ACTN3: variants seen among roughly 807,000 people sequenced by gnomAD.
The protein encoded by ACTN3 is alpha-actinin-3.
A neutral mutation model predicts 119.6 loss-of-function variants in ACTN3; 91 were observed. The observed-to-expected ratio is 0.76, with a 90% CI of 0.64 to 0.91. The LOEUF is 0.91. ACTN3 is among the 40% of genes least tolerant of loss of function. The probability of loss-of-function intolerance (pLI) is 0.00; values close to 1 mark genes in which losing one functional copy is unlikely to be tolerated. For missense variants in ACTN3, 1,221 were observed against 1,215.1 expected (o/e 1.00, Z -0.07); for synonymous variants, 456 against 478.8 (o/e 0.95, Z 0.62).
At chr11:66,551,115 G>C in intron 1 of ACTN3, 124 bp from the exon 2 acceptor site, 1 of 762,346 alleles carries the variant, frequency 1.3e-6, no homozygotes, top group Middle Eastern at 2.2e-4. Flanking sequence ...CAGTGGCTGA[G>C]CTGAGCTGAG....
At chr11:66,557,066 C>G in intron 8 of ACTN3, 67 bp from the exon 9 acceptor site, 1 of 1,459,356 alleles carries the variant, frequency 6.9e-7, no homozygotes, top group Admixed American at 2.0e-5. Flanking sequence ...CGGCGGGGCT[C>G]TGGGTTTTAA....
At chr11:66,563,011 G>A (rs776040034) in intron 20 of ACTN3, 24 bp from the exon 21 acceptor site, 2 of 1,607,906 alleles carry the variant, frequency 1.2e-6, no homozygotes, top group East Asian at 2.2e-5. Context: ...GGACCTGTGG[G>A]TCCTCAACGC....
At chr11:66,554,668 C>T (rs1436680727) in intron 5 of ACTN3, 45 bp downstream of exon 5, 9 of 1,530,234 alleles carry the variant, frequency 5.9e-6, no homozygotes, top group Non-Finnish European at 8.0e-6. Flanking sequence ...CTGTGGGGTA[C>T]TGGGCATAGA....
At position 66,559,361 on chromosome 11, in the gene ACTN3, A is replaced by T. The variant is rs374547195; in HGVS notation, c.1402A>T (p.Ile468Phe). Residue 468 changes from isoleucine (I) to phenylalanine (F), a missense_variant, in exon 12 of 21, where the codon ATT (isoleucine) becomes TTT (phenylalanine). Physicochemically the swap from Ile to Phe is conservative, Grantham distance 21. Around this residue, in one of 3 missense-constraint regions of ACTN3, gnomAD observed 934 missense variants for 899.9 expected, o/e 1.04. Transcript: ENST00000513398. ...GGCGCACCAGGACCGCGTGGAGCAC[A>T]TTGCCGCGCTGGCCCAGGAGCTCAA... ...LAAHQDRVEH[I>F]AALAQELNEL... 94 of 1,557,774 alleles carry T rather than the reference A, an allele frequency of 6.0e-5. No homozygotes were observed. The highest frequency in any genetic ancestry group is 7.9e-5 in the Non-Finnish European group (92 of 1,157,334).
chr11:66,554,136 G>A lies in ACTN3; in HGVS notation c.469+5G>A, dbSNP rs1857536799. 1.9e-6 allele frequency: 3 copies of A among 1,613,726 alleles called. No homozygotes were observed. The highest frequency in any genetic ancestry group is 1.3e-5 in the African/African-American group (1 of 74,998). ...TCCAGGACATCTCTGTGGAAGGTGA[G>A]CAATGGGAAAGGAGGTTGGGGCCAG... is the stretch of plus-strand genomic sequence containing the variant. On this transcript the variant is annotated splice_donor_5th_base_variant and intron_variant, in intron 4 of 20. Transcript: ENST00000513398.
chr11:66,547,155 C>T, intron 1 of ACTN3, 71 bp downstream of exon 1: 1 of 1,427,682 alleles, frequency 7.0e-7, no homozygotes, highest in Non-Finnish European at 9.2e-7. Flanking sequence ...CTGGGCATCT[C>T]AGCAGTGCAG....
intron 9 of ACTN3, 61 bp downstream of exon 9, chr11:66,557,286 C>A: frequency 6.7e-7 from 1 of 1,500,918 alleles, no homozygotes; most frequent in Non-Finnish European, 9.1e-7. Flanking sequence ...CCCAACCCTG[C>A]TAACCCCAAG....
At chr11:66,556,531 C>A (rs1385626801) in intron 8 of ACTN3, among the ~76,000 whole-genome samples, 1 of 152,038 alleles carries the variant, frequency 6.6e-6, no homozygotes, top group East Asian at 1.9e-4. Flanking sequence ...CTCATTGCTG[C>A]CTTGACCTCA....
chr11:66,560,142 TTC>T (rs1350800597), intron 13 of ACTN3, 27 bp from the exon 14 acceptor site: 1 of 1,573,266 alleles, frequency 6.4e-7, no homozygotes, highest in Admixed American at 1.9e-5. Flanking sequence ...CAGGGCAGGC[TTC>T]TGACCCACTA....
chr11:66,554,456 CAAAAAA>C, intron 4 of ACTN3, 74 bp from the exon 5 acceptor site: 3 of 851,220 alleles, frequency 3.5e-6, no homozygotes, highest in Non-Finnish European at 3.4e-6. Flanking sequence ...GACCCTGTCT[CAAAAAA>C]AAAAAAAAAA....
intron 1 of ACTN3, among the ~76,000 whole-genome samples, chr11:66,547,599 G>T (rs986340087): frequency 6.6e-6 from 1 of 152,070 alleles, no homozygotes; most frequent in Non-Finnish European, 1.5e-5. Context: ...CCCAGAAAGA[G>T]CACAGACAGG....
intron 14 of ACTN3, 110 bp from the exon 15 acceptor site, chr11:66,560,463 G>C: frequency 2.0e-6 from 3 of 1,475,262 alleles, no homozygotes; most frequent in Non-Finnish European, 2.7e-6. Flanking sequence ...CGGGGTTCTT[G>C]TGTCAGGACT....
chr11:66,562,722 C>T (rs1284266769), intron 19 of ACTN3, 74 bp from the exon 20 acceptor site: 2 of 1,502,722 alleles, frequency 1.3e-6, no homozygotes, highest in Admixed American at 2.1e-5. Flanking sequence ...GTTGGACAGT[C>T]CCCAGGAGGG....
rs767579893 is a variant in ACTN3, at chr11:66,563,048, C to A, written c.2561C>A (p.Pro854His). Residue 854 changes from proline (P) to histidine (H), a missense_variant, in exon 21 of 21, where the codon CCC (proline) becomes CAC (histidine). Around this residue, in one of 3 missense-constraint regions of ACTN3, gnomAD observed 934 missense variants for 899.9 expected, o/e 1.04. Coordinates refer to ENST00000513398, the MANE Select transcript of ACTN3 (RefSeq NM_001104.4). ...ILAGDKNYIT[P>H]EELRRELPAK... is the part of the protein sequence containing the mutation. ...TCTTCTCCCCAGAACTACATCACCCCCGAGGAGCTGCGGCGCGAGCTCCCT... is the reference window on the plus strand; with the variant it reads ...TCTTCTCCCCAGAACTACATCACCCACGAGGAGCTGCGGCGCGAGCTCCCT... 6.2e-7 allele frequency: 1 copy of A among 1,612,178 alleles called. No individual in the cohort carries two copies. The highest frequency in any genetic ancestry group is 8.5e-7 in the Non-Finnish European group (1 of 1,178,998).
In ACTN3 at chr11:66,562,835, C is replaced by A; in HGVS notation, c.2428C>A (p.Pro810Thr). The part of the protein sequence containing the change: ...EFARIMTMVD[P>T]NAAGVVTFQA... ...TGCTCGCATCATGACCATGGTGGAC[C>A]CCAACGCAGCTGGGGTGGTGACCTT... The change falls in exon 20 of 21, where the codon CCC (proline) becomes ACC (threonine). Residue 810 changes from proline to threonine, a missense_variant. Around this residue, in one of 3 missense-constraint regions of ACTN3, gnomAD observed 934 missense variants for 899.9 expected, o/e 1.04. Transcript: ENST00000513398. The A allele has an allele frequency of 6.2e-7, 1 of 1,613,536 alleles. No individual in the cohort carries two copies. The highest frequency in any genetic ancestry group is 8.5e-7 in the Non-Finnish European group (1 of 1,179,656).
Position 66,563,334 on chromosome 11 carries a change from A to G in ACTN3, c.*141A>G. ...AAGATCCCTCTCTGGGTCTCTCCCC[A>G]TCTCCTTTTAGTTCCTGAAGCAGAA... On this transcript the variant is annotated 3_prime_UTR_variant, in exon 21 of 21. Coordinates refer to ENST00000513398, the MANE Select transcript of ACTN3 (RefSeq NM_001104.4). The G allele has an allele frequency of 2.6e-5, 29 of 1,104,418 alleles. No individual in the cohort carries two copies. Among genetic ancestry groups the G allele is most frequent in the Non-Finnish European group, 3.4e-5 (28 of 813,998 alleles). The allele number at this position is 1,104,418 out of a possible 1,614,324, so 68.4% of individuals were successfully genotyped here. A position where few individuals can be genotyped will look rare whatever the true frequency, so the allele number is the denominator to read the frequency against.
chr11:66,560,654 G>A lies in ACTN3; in HGVS notation c.1759G>A (p.Gly587Ser). ...RERGAIMGIQ[G>S]EIQKICQTYG... ...GCGAGGTGCCATCATGGGCATCCAG[G>A]GTGAGATCCAGAAGATCTGCCAGAC... Residue 587 changes from glycine to serine, a missense_variant, in exon 15 of 21, where the codon GGT becomes AGT. Coordinates refer to ENST00000513398, the MANE Select transcript of ACTN3 (RefSeq NM_001104.4). 6.2e-7 allele frequency: 1 copy of A among 1,613,868 alleles called. No individual in the cohort carries two copies. Among genetic ancestry groups the A allele is most frequent in the Non-Finnish European group, 8.5e-7 (1 of 1,179,874 alleles).
intron 7 of ACTN3, 95 bp from the exon 8 acceptor site, chr11:66,556,050 A>G: frequency 8.7e-7 from 1 of 1,152,212 alleles, no homozygotes. Context: ...GGTGGCCATG[A>G]CTGGATGCTT....
chr11:66,547,642 C>A (rs1857386213), intron 1 of ACTN3, among the ~76,000 whole-genome samples: 1 of 152,124 alleles, frequency 6.6e-6, no homozygotes, highest in South Asian at 2.1e-4. Flanking sequence ...CATCAGGACC[C>A]CCGCAACCTG....
Sources: allele counts gnomAD v4.1 joint callset (sites outside exome capture counted in the v4.1 genomes callset), GRCh38; gene constraint gnomAD v4.1.1; regional missense constraint gnomAD v4.1.1; transcripts MANE v1.5; gene names NCBI Gene and HGNC (gene_info 2026-07-23, HGNC 2026-07-21).